The following MFSD8 variants were observed in gnomAD, a reference collection of about 807,000 sequenced individuals.
MFSD8 encodes the protein major facilitator superfamily domain-containing protein 8.
A neutral mutation model predicts 66.4 loss-of-function variants in MFSD8; 55 were observed. That is an observed-to-expected ratio of 0.83 (90% CI 0.67 to 1.04). MFSD8 has a LOEUF of 1.04. MFSD8 is among the 50% of genes least tolerant of loss of function. The probability of loss-of-function intolerance (pLI) is 0.00; values close to 1 mark genes in which losing one functional copy is unlikely to be tolerated. For missense variants in MFSD8, 550 were observed against 627.6 expected, an observed-to-expected ratio of 0.88 and a Z score of 1.32; for synonymous variants, 202 against 212.8, an observed-to-expected ratio of 0.95 and a Z score of 0.44.
rs192482811 is a variant in MFSD8, at chr4:127,956,361, G to A, written c.154+1140C>T. 1.1e-4 allele frequency among the ~76,000 whole-genome samples: 16 copies of A among 151,154 alleles called. No homozygotes were observed. In the East Asian group the frequency reaches 2.2e-3, roughly 20 times the overall value. On this transcript the variant is annotated intron_variant, in intron 2 of 11. Coordinates refer to ENST00000641686, the MANE Select transcript of MFSD8 (RefSeq NM_001371596.2). ...CTACTAAAAATATAAAACAATTAGC[G>A]TGGTGGCGGGTGTCTGTAGTCCCAG...
chr4:127,940,715 A>G (rs1319754851), intron 5 of MFSD8, among the ~76,000 whole-genome samples: 1 of 151,906 alleles, frequency 6.6e-6, no homozygotes, highest in Non-Finnish European at 1.5e-5. Flanking sequence ...AAAGCACTCT[A>G]AAGAAATATG....
intron 1 of MFSD8, 65 bp downstream of exon 1, chr4:127,965,007 C>A: frequency 1.9e-6 from 3 of 1,576,814 alleles, no homozygotes; most frequent in Non-Finnish European, 2.6e-6. Flanking sequence ...GCGGGTGACG[C>A]CCGGAAAGGA....
intron 1 of MFSD8, among the ~76,000 whole-genome samples, chr4:127,961,625 TA>T (rs905029832): frequency 1.3e-5 from 2 of 151,846 alleles, no homozygotes; most frequent in African/African-American, 4.8e-5. Context: ...CCATCCTGGC[TA>T]ACACGGTGAA....
At chr4:127,928,649 T>C (rs1737612126) in intron 9 of MFSD8, among the ~76,000 whole-genome samples, 1 of 152,170 alleles carries the variant, frequency 6.6e-6, no homozygotes, top group Admixed American at 6.6e-5. Context: ...GGTGGGAATG[T>C]AAATTAGTAA....
Position 127,965,160 on chromosome 4 carries a change from C to T in MFSD8, c.-27G>A, listed in dbSNP as rs375020549. On this transcript the variant is annotated 5_prime_UTR_variant, in exon 1 of 12. Coordinates refer to ENST00000641686, the MANE Select transcript of MFSD8 (RefSeq NM_001371596.2). ...GTTACACTCCCTACAAGGCGTCTTG[C>T]GCCCAACTCTCGCGACACCTGCTTT... 1.9e-6 allele frequency: 3 copies of T among 1,613,494 alleles called. No individual in the cohort carries two copies. Among genetic ancestry groups the T allele is most frequent in the Admixed American group, 3.3e-5 (2 of 59,946 alleles).
chr4:127,957,846 T>C (rs1294072495), intron 1 of MFSD8, among the ~76,000 whole-genome samples: 1 of 152,194 alleles, frequency 6.6e-6, no homozygotes, highest in Non-Finnish European at 1.5e-5. Context: ...TGCAAGGCAA[T>C]TATTTTGCTA....
In MFSD8 at chr4:127,951,533, T is replaced by C. The variant is rs931691978; in HGVS notation, c.155-1686A>G. Among the ~76,000 whole-genome samples the C allele has an allele frequency of 1.6e-4, 24 of 152,112 alleles. 1 individual carries two copies. The highest frequency in any genetic ancestry group is 7.4e-5 in the Non-Finnish European group (5 of 68,010). ...ATTAGCCACTGCGCCCAGCCATTAC[T>C]GTCAATTTTAGAACACATTTGTCAC... is the stretch of plus-strand genomic sequence containing the variant. On this transcript the variant is annotated intron_variant, in intron 2 of 11. Coordinates refer to ENST00000641686, the MANE Select transcript of MFSD8 (RefSeq NM_001371596.2).
chr4:127,964,904 C>T (rs1374834988), intron 1 of MFSD8, 168 bp downstream of exon 1: 2 of 800,076 alleles, frequency 2.5e-6, no homozygotes, highest in East Asian at 5.4e-5. Context: ...CGCCCTTTCT[C>T]CTACGTTGGG....
rs150418024 is a variant in MFSD8 at position 127,921,956 on chromosome 4, C to T, written c.1006G>A (p.Glu336Lys). Residue 336 changes from glutamate (E) to lysine (K), a missense_variant, in exon 10 of 12, where the codon GAG (glutamate) becomes AAG (lysine). Glu to Lys is a moderately conservative substitution (Grantham distance 56, BLOSUM62 1). Transcript: ENST00000641686. The part of the protein sequence containing the change: ...GVKLLSKKIG[E>K]RAILLGGLIV... ...AGTCCTCCCAGTAGAATAGCACGCT[C>T]GCCAATCCTGTTAAAGAACAGAAAC... 1.2e-6 allele frequency: 2 copies of T among 1,613,628 alleles called. No individual in the cohort carries two copies. Among genetic ancestry groups the T allele is most frequent in the African/African-American group, 1.3e-5 (1 of 74,894 alleles).
chr4:127,921,871 A>C lies in MFSD8; in HGVS notation c.1091T>G (p.Ile364Arg). Residue 364 changes from isoleucine (I) to arginine (R), a missense_variant, in exon 10 of 12, where the codon ATA becomes AGA. Coordinates refer to ENST00000641686, the MANE Select transcript of MFSD8 (RefSeq NM_001371596.2). ...LLPWGNQFPK[I>R]QWEDLHNNSI... Reference sequence around the variant, plus strand: ...ATGTATGGCTATACCTTCCCACTGTATTTTGGGAAATTGATTTCCCCAAGG... The same window carrying C: ...ATGTATGGCTATACCTTCCCACTGTCTTTTGGGAAATTGATTTCCCCAAGG... 4 of 1,614,128 alleles carry C rather than the reference A, an allele frequency of 2.5e-6. No individual in the cohort carries two copies. The highest frequency in any genetic ancestry group is 3.4e-6 in the Non-Finnish European group (4 of 1,179,986).
chr4:127,922,881 T>C (rs1320705072), intron 9 of MFSD8, among the ~76,000 whole-genome samples: 1 of 152,152 alleles, frequency 6.6e-6, no homozygotes, highest in East Asian at 1.9e-4. Flanking sequence ...ATTAATGAAT[T>C]AATGGATCTA....
At chr4:127,958,469 C>T (rs997176185) in intron 1 of MFSD8, among the ~76,000 whole-genome samples, 25 of 150,508 alleles carry the variant, frequency 1.7e-4, no homozygotes, top group Non-Finnish European at 8.9e-5. Context: ...TTTTTTTTTT[C>T]AAACGTGATA....
intron 1 of MFSD8, chr4:127,964,570 G>C (rs1440077248): frequency 2.2e-5 from 4 of 184,266 alleles, no homozygotes; most frequent in Non-Finnish European, 4.6e-5. Context: ...CGGAACTCCA[G>C]CTGGCCCGCA....
At chr4:127,952,347 T>C (rs1742135562) in intron 2 of MFSD8, among the ~76,000 whole-genome samples, 1 of 151,842 alleles carries the variant, frequency 6.6e-6, no homozygotes, top group Non-Finnish European at 1.5e-5. Context: ...AAGCTTGCAG[T>C]GAGCAGAGAT....
intron 8 of MFSD8, among the ~76,000 whole-genome samples, chr4:127,932,026 A>G (rs1301389114): frequency 1.3e-5 from 2 of 152,064 alleles, no homozygotes; most frequent in Non-Finnish European, 2.9e-5. Flanking sequence ...CTGGAAGGTC[A>G]CCTGAGCCCA....
At chr4:127,959,308 T>A (rs1240082803) in intron 1 of MFSD8, among the ~76,000 whole-genome samples, 2 of 152,174 alleles carry the variant, frequency 1.3e-5, no homozygotes, top group African/African-American at 4.8e-5. Context: ...GGTCAAAGGA[T>A]AGTTTTAGGT....
At chr4:127,927,428 G>A (rs181447018) in intron 9 of MFSD8, among the ~76,000 whole-genome samples, 105 of 152,234 alleles carry the variant, frequency 6.9e-4, no homozygotes, top group Middle Eastern at 3.4e-3. Flanking sequence ...TGCCCGCCTT[G>A]GCCTCCCAAA....
intron 7 of MFSD8, among the ~76,000 whole-genome samples, chr4:127,937,176 C>T (rs1354342797): frequency 1.3e-5 from 2 of 152,310 alleles, no homozygotes; most frequent in East Asian, 1.9e-4. Flanking sequence ...GTGTGTTTCA[C>T]TGGGTGACTC....
intron 7 of MFSD8, among the ~76,000 whole-genome samples, chr4:127,936,651 T>C (rs1739132565): frequency 6.6e-6 from 1 of 151,900 alleles, no homozygotes; most frequent in African/African-American, 2.4e-5. Flanking sequence ...ATTATTAAAA[T>C]TTAATTGGGC....
Sources: gnomAD v4.1 joint callset for allele counts (sites outside exome capture counted in the v4.1 genomes callset) on GRCh38, gnomAD v4.1.1 for gene constraint, MANE v1.5 for transcripts, NCBI Gene and HGNC (gene_info 2026-07-23, HGNC 2026-07-21) for gene names.